Variants in GMDS observed in about 807,000 individuals in gnomAD.
GMDS encodes the protein GDP-mannose 4,6 dehydratase.
GMDS carries 20 observed loss-of-function variants against 49.9 expected under a neutral mutation model. That is an observed-to-expected ratio of 0.40 (90% confidence interval 0.28 to 0.58). GMDS has a LOEUF of 0.58. Ranked by LOEUF, GMDS falls within the 20% of genes least tolerant of loss-of-function variation. The probability of loss-of-function intolerance (pLI) is 0.42; values close to 1 mark genes in which losing one functional copy is unlikely to be tolerated. For synonymous variants in GMDS, 177 were observed against 178.6 expected (o/e 0.99, Z 0.07); for missense variants, 362 against 481.4 (o/e 0.75, Z 2.32).
rs541012826 is a variant in GMDS at position 1,914,661 on chromosome 6, G to A, written c.771+15442C>T. ...CCTGTGCTCCAAGTTCCCAAGGTGC[G>A]CCCCTCACAATGTCAAAGGCAGAAC... On this transcript the variant is annotated intron_variant, in intron 7 of 10. Coordinates refer to ENST00000380815, the MANE Select transcript of GMDS (RefSeq NM_001500.4). Among the ~76,000 whole-genome samples the A allele has an allele frequency of 1.1e-3, 163 of 152,190 alleles. 1 individual carries two copies. The highest frequency in any genetic ancestry group is 1.5e-3 in the Non-Finnish European group (100 of 68,004).
intron 9 of GMDS, among the ~76,000 whole-genome samples, chr6:1,711,154 T>G (rs1288604169): frequency 1.3e-5 from 2 of 152,230 alleles, no homozygotes; most frequent in Non-Finnish European, 2.9e-5. Context: ...AAGAGGTGAA[T>G]GAAACCAACA....
chr6:1,667,433 T>C (rs1764269240), intron 9 of GMDS, among the ~76,000 whole-genome samples: 1 of 152,188 alleles, frequency 6.6e-6, no homozygotes, highest in Non-Finnish European at 1.5e-5. Flanking sequence ...AAACTTGCCC[T>C]ATCAATTTAA....
intron 8 of GMDS, among the ~76,000 whole-genome samples, chr6:1,736,837 T>G (rs1452023484): frequency 1.3e-5 from 2 of 152,138 alleles, no homozygotes; most frequent in Admixed American, 6.5e-5. Flanking sequence ...ACTGACTGAG[T>G]GGAGGGATGT....
chr6:1,700,524 C>A (rs56042153), intron 9 of GMDS, among the ~76,000 whole-genome samples: 19,454 of 152,258 alleles, frequency 0.13, 1,672 homozygotes, highest in Non-Finnish European at 0.18. Flanking sequence ...GCTCTACAGT[C>A]TTCTGGTTCC....
At chr6:2,070,114 TG>T (rs1562026018) in intron 4 of GMDS, among the ~76,000 whole-genome samples, 2 of 151,550 alleles carry the variant, frequency 1.3e-5, no homozygotes, top group Non-Finnish European at 2.9e-5. Context: ...TCATGTCCTT[TG>T]TAGGGACATG....
Position 1,864,097 on chromosome 6 carries a change from T to C in GMDS, c.771+66006A>G, listed in dbSNP as rs371253325. 3.9e-5 allele frequency among the ~76,000 whole-genome samples: 6 copies of C among 152,258 alleles called. 1 individual carries two copies. The East Asian group carries it at 9.6e-4, about 24-fold the overall frequency. On this transcript the variant is annotated intron_variant, in intron 7 of 10. Coordinates refer to ENST00000380815, the MANE Select transcript of GMDS (RefSeq NM_001500.4). ...AATTAACTTTCTAGTTTATCATCAG[T>C]TCAAAAAACAATCCCAAGGAGATAA...
chr6:1,823,642 C>T (rs1480713523), intron 7 of GMDS, among the ~76,000 whole-genome samples: 4 of 152,266 alleles, frequency 2.6e-5, no homozygotes, highest in Non-Finnish European at 5.9e-5. Context: ...CTTACCTCCC[C>T]CTTCTTTTCC....
intron 7 of GMDS, among the ~76,000 whole-genome samples, chr6:1,864,678 C>T: frequency 6.6e-6 from 1 of 152,220 alleles, no homozygotes; most frequent in African/African-American, 2.4e-5. Flanking sequence ...CTTTTTAACA[C>T]CACTTAAAAA....
At chr6:1,774,261 G>A (rs77789046) in intron 7 of GMDS, among the ~76,000 whole-genome samples, 3,754 of 152,254 alleles carry the variant, frequency 0.025, 143 homozygotes, top group African/African-American at 0.082. Flanking sequence ...TACTGTCTTC[G>A]TAACTCACTT....
chr6:1,704,147 G>A (rs1451424752), intron 9 of GMDS, among the ~76,000 whole-genome samples: 4 of 152,130 alleles, frequency 2.6e-5, no homozygotes, highest in East Asian at 1.9e-4. Flanking sequence ...CAAGATCAAC[G>A]CTGATGATAC....
intron 4 of GMDS, among the ~76,000 whole-genome samples, chr6:2,056,906 T>G (rs1339196213): frequency 6.6e-6 from 1 of 152,192 alleles, no homozygotes; most frequent in African/African-American, 2.4e-5. Context: ...ATTATATTTT[T>G]TAAAATAAAA....
At chr6:1,686,866 T>C (rs1286561973) in intron 9 of GMDS, among the ~76,000 whole-genome samples, 1 of 152,232 alleles carries the variant, frequency 6.6e-6, no homozygotes, top group African/African-American at 2.4e-5. Context: ...TGTGTTATCC[T>C]TGGAGGCAAT....
At chr6:2,068,720 G>A (rs2127456441) in intron 4 of GMDS, among the ~76,000 whole-genome samples, 1 of 152,220 alleles carries the variant, frequency 6.6e-6, no homozygotes, top group East Asian at 1.9e-4. Flanking sequence ...GGATGTGAAG[G>A]ACCTCTTCAA....
intron 1 of GMDS, among the ~76,000 whole-genome samples, chr6:2,235,479 C>G (rs1380631662): frequency 6.6e-6 from 1 of 152,108 alleles, no homozygotes; most frequent in Non-Finnish European, 1.5e-5. Context: ...AAATGCAAAG[C>G]TGGAGCTCCC....
intron 1 of GMDS, among the ~76,000 whole-genome samples, chr6:2,181,174 CAAAAAAAAAA>C (rs755377915): frequency 1.9e-5 from 1 of 51,336 alleles, no homozygotes; most frequent in African/African-American, 6.3e-5. Context: ...GACTCCATCT[CAAAAAAAAAA>C]AAAAAAAAAA....
intron 7 of GMDS, among the ~76,000 whole-genome samples, chr6:1,819,128 C>A (rs1171853140): frequency 6.6e-6 from 1 of 152,022 alleles, no homozygotes; most frequent in African/African-American, 2.4e-5. Flanking sequence ...TATTCTAATA[C>A]AAATGAGTCT....
intron 4 of GMDS, among the ~76,000 whole-genome samples, chr6:2,024,485 A>T (rs2127409038): frequency 6.6e-6 from 1 of 152,290 alleles, no homozygotes; most frequent in Non-Finnish European, 1.5e-5. Context: ...AAATTACTGG[A>T]AAGCAATAAA....
intron 4 of GMDS, among the ~76,000 whole-genome samples, chr6:1,986,568 T>C (rs559745818): frequency 6.6e-6 from 1 of 152,312 alleles, no homozygotes; most frequent in South Asian, 2.1e-4. Flanking sequence ...GCTGTATTAA[T>C]AGCTAATCTT....
At chr6:1,794,353 A>G (rs1014255075) in intron 7 of GMDS, among the ~76,000 whole-genome samples, 1 of 152,196 alleles carries the variant, frequency 6.6e-6, no homozygotes, top group African/African-American at 2.4e-5. Context: ...AGCACCATAT[A>G]TAAACCACTG....
Sources: allele counts gnomAD v4.1 joint callset (sites outside exome capture counted in the v4.1 genomes callset), GRCh38; gene constraint gnomAD v4.1.1; transcripts MANE v1.5; gene names NCBI Gene and HGNC (gene_info 2026-07-23, HGNC 2026-07-21).